The following EVC variants were observed in gnomAD, a reference collection of about 807,000 sequenced individuals.
EVC encodes evC complex member EVC.
EVC carries 116 observed loss-of-function variants against 118.9 expected under a neutral mutation model. The ratio of observed to expected loss-of-function variants is 0.98; its 90% confidence interval spans 0.84 to 1.14. The LOEUF (loss-of-function observed/expected upper bound fraction) is 1.14. EVC is among the 50% of genes most tolerant of loss of function. The probability of loss-of-function intolerance (pLI) is 0.00; values close to 1 mark genes in which losing one functional copy is unlikely to be tolerated. For missense variants in EVC, 1,401 were observed against 1,246.4 expected (o/e 1.12, Z -1.87); for synonymous variants, 619 against 534.7 (o/e 1.16, Z -2.18).
intron 2 of EVC, among the ~76,000 whole-genome samples, chr4:5,726,387 C>T (rs1725814115): frequency 6.6e-6 from 1 of 152,074 alleles, no homozygotes; most frequent in African/African-American, 2.4e-5. Flanking sequence ...AAGTGCAGGG[C>T]TGGGGTGAGG....
chr4:5,772,424 C>A (rs564924505), intron 11 of EVC, among the ~76,000 whole-genome samples: 63 of 152,184 alleles, frequency 4.1e-4, no homozygotes, highest in African/African-American at 1.5e-3. Context: ...GTGGCCTAGT[C>A]CATATCACTT....
intron 1 of EVC, among the ~76,000 whole-genome samples, chr4:5,711,899 C>T (rs946903348): frequency 6.6e-6 from 1 of 152,218 alleles, no homozygotes; most frequent in African/African-American, 2.4e-5. Context: ...ACGGCTGGGG[C>T]TCCCACGCCT....
intron 11 of EVC, among the ~76,000 whole-genome samples, chr4:5,781,321 G>A (rs1560396930): frequency 3.3e-5 from 5 of 152,108 alleles, no homozygotes; most frequent in Admixed American, 2.0e-4. Flanking sequence ...CGACAAAGCC[G>A]CTATCTCAGG....
rs1186767722 is a variant in EVC at position 5,731,318 on chromosome 4, A to G, written c.385-107A>G. The stretch of plus-strand genomic sequence containing the variant: ...GCACCCTGGCCAGTCTCCTCCAGGC[A>G]GACCTTCCTGTGAGCGGCTAGCGTG... On this transcript the variant is annotated intron_variant, in intron 3 of 20. Transcript: ENST00000264956. This position sits in a 1 kb window ranked among gnomAD's most constrained non-coding sequence, Gnocchi z 5.6. The G allele has an allele frequency of 3.8e-5, 38 of 1,000,038 alleles. No individual in the cohort carries two copies. Among genetic ancestry groups the G allele is most frequent in the Non-Finnish European group, 6.1e-5 (38 of 621,876 alleles). 61.9% of individuals were successfully genotyped at this position (1,000,038 alleles called of 1,614,324 possible).
intron 1 of EVC, among the ~76,000 whole-genome samples, chr4:5,712,157 A>G (rs1239739011): frequency 2.0e-5 from 3 of 152,168 alleles, no homozygotes; most frequent in Admixed American, 1.3e-4. Context: ...CGGTTATGAC[A>G]CCGCATGGGG....
rs1448895713 is a variant in EVC, at chr4:5,748,591, T to TCCACCCAC, written c.1098+288_1098+289insCCCACCCA. Among the ~76,000 whole-genome samples, 2,385 of 114,460 alleles carry TCCACCCAC rather than the reference T, an allele frequency of 0.021. 103 individuals are homozygous for TCCACCCAC. Among genetic ancestry groups the TCCACCCAC allele is most frequent in the African/African-American group, 0.028 (711 of 25,456 alleles). The allele number at this position is 114,460 out of a possible 152,430, so 75.1% of individuals were successfully genotyped here. A position where few individuals can be genotyped will look rare whatever the true frequency, so the allele number is the denominator to read the frequency against. The stretch of plus-strand genomic sequence containing the variant: ...ATCCATCCATCCATCCACCCATCCA[T>TCCACCCAC]CCATCCATCCACCCATCCATCCACC... On this transcript the variant is annotated intron_variant, in intron 8 of 20. Coordinates refer to ENST00000264956, the MANE Select transcript of EVC (RefSeq NM_153717.3).
chr4:5,758,189 C>T (rs1731474309), intron 11 of EVC: 2 of 698,590 alleles, frequency 2.9e-6, no homozygotes, highest in Admixed American at 4.0e-5. Flanking sequence ...CCACCAAAAG[C>T]CAGAAGAGCC....
chr4:5,809,471 A>C (rs756166695), intron 18 of EVC, 47 bp from the exon 19 acceptor site: 2 of 1,530,192 alleles, frequency 1.3e-6, no homozygotes, highest in East Asian at 4.5e-5. Flanking sequence ...GATTTAGAGA[A>C]GTCAGAGGGA....
intron 2 of EVC, among the ~76,000 whole-genome samples, chr4:5,724,219 G>T (rs1242120832): frequency 6.6e-6 from 1 of 152,244 alleles, no homozygotes; most frequent in East Asian, 1.9e-4. Context: ...TGAGGAGCTG[G>T]TTAGGAAGTG....
rs1420350196 is a variant in EVC, at chr4:5,812,360, AC to A, written c.*1324del. The stretch of plus-strand genomic sequence containing the variant: ...AGAGGCCTTTCCCACCGGGAGAGGA[AC>A]TTCCAGACCAGCCCCTCACACCACA... On this transcript the variant is annotated 3_prime_UTR_variant, in exon 21 of 21. Coordinates refer to ENST00000264956, the MANE Select transcript of EVC (RefSeq NM_153717.3). 6.4e-6 allele frequency: 1 copy of A among 155,916 alleles called. No individual in the cohort carries two copies. Among genetic ancestry groups the A allele is most frequent in the African/African-American group, 2.7e-5 (1 of 37,624 alleles). The allele number at this position is 155,916 out of a possible 1,614,324, so 9.7% of individuals were successfully genotyped here.
chr4:5,773,788 A>G (rs776927858), intron 11 of EVC, among the ~76,000 whole-genome samples: 3 of 152,038 alleles, frequency 2.0e-5, no homozygotes, highest in Non-Finnish European at 2.9e-5. Context: ...CCCATTTTTA[A>G]GAGACTCAAG....
downstream of EVC, among the ~76,000 whole-genome samples, chr4:5,814,872 C>T (rs1717436995): frequency 6.6e-6 from 1 of 152,076 alleles, no homozygotes; most frequent in Non-Finnish European, 1.5e-5. Context: ...AACATCAGGG[C>T]CCCCCTTAGA....
At chr4:5,801,858 AC>A in intron 15 of EVC, 91 bp from the exon 16 acceptor site, 2 of 1,451,520 alleles carry the variant, frequency 1.4e-6, no homozygotes, top group Non-Finnish European at 1.9e-6. Flanking sequence ...GAAGATCTGA[AC>A]CAGGGCATGG....
In EVC at chr4:5,740,786, A is replaced by T. The variant is rs537765692; in HGVS notation, c.703-930A>T. ...GTTAGAAAATGGGAAGGACATGAACAGATATTTCACCAAAAAGGATATATA... is the reference window on the plus strand; with the variant it reads ...GTTAGAAAATGGGAAGGACATGAACTGATATTTCACCAAAAAGGATATATA... On this transcript the variant is annotated intron_variant, in intron 5 of 20. Coordinates refer to ENST00000264956, the MANE Select transcript of EVC (RefSeq NM_153717.3). 3.9e-5 allele frequency among the ~76,000 whole-genome samples: 6 copies of T among 152,364 alleles called. No homozygotes were observed. The East Asian group carries it at 1.2e-3, about 29-fold the overall frequency.
intron 11 of EVC, among the ~76,000 whole-genome samples, chr4:5,760,785 C>G (rs1237239808): frequency 6.6e-6 from 1 of 152,138 alleles, no homozygotes; most frequent in East Asian, 1.9e-4. Flanking sequence ...CTCCTGACCT[C>G]AGGTGATCCA....
intron 1 of EVC, among the ~76,000 whole-genome samples, chr4:5,713,788 A>C (rs1723471696): frequency 1.3e-5 from 2 of 151,994 alleles, no homozygotes; most frequent in Admixed American, 6.6e-5. Context: ...CTGTAATCCC[A>C]GCTACTGGGG....
chr4:5,778,757 T>C (rs1453152179), intron 11 of EVC, among the ~76,000 whole-genome samples: 2 of 152,154 alleles, frequency 1.3e-5, no homozygotes, highest in East Asian at 1.9e-4. Context: ...GTCAGATGAG[T>C]AGGTTGGGAA....
intron 13 of EVC, 134 bp from the exon 14 acceptor site, chr4:5,796,888 G>A: frequency 1.3e-6 from 1 of 747,322 alleles, no homozygotes; most frequent in Non-Finnish European, 2.4e-6. Context: ...TAAGAGGATG[G>A]CAGCAGAGGG....
chr4:5,761,726 T>C (rs1049021255), intron 11 of EVC, among the ~76,000 whole-genome samples: 17 of 151,818 alleles, frequency 1.1e-4, no homozygotes, highest in African/African-American at 3.6e-4. Flanking sequence ...GGCGGGTTTC[T>C]GTTTAGTCCT....
Sources: allele counts gnomAD v4.1 joint callset (sites outside exome capture counted in the v4.1 genomes callset), GRCh38; gene constraint gnomAD v4.1.1; non-coding constraint Gnocchi (gnomAD v3.1); transcripts MANE v1.5; gene names NCBI Gene and HGNC (gene_info 2026-07-23, HGNC 2026-07-21).